CHCT1: variants seen among roughly 807,000 people sequenced by gnomAD.
CHCT1 encodes CHD1 helical C-terminal domain containing 1.
the CHCT1 span, chr17:60,431,345 T>A: frequency 1.3e-5 from 13 of 995,658 alleles, no homozygotes; most frequent in East Asian, 3.1e-4. Context: ...GGAAAAGAAT[T>A]GTCCTTATCA....
the CHCT1 span, chr17:60,421,903 G>A: frequency 1.0e-6 from 1 of 985,556 alleles, no homozygotes; most frequent in Non-Finnish European, 1.2e-6. Flanking sequence ...CCTGTGTGAA[G>A]CGGGACCGCT....
the CHCT1 span, among the ~76,000 whole-genome samples, chr17:60,423,723 C>T: frequency 6.6e-6 from 1 of 152,216 alleles, no homozygotes; most frequent in Non-Finnish European, 1.5e-5. Context: ...ACTTCAGCCT[C>T]CTAAAATGTT....
At chr17:60,431,292 G>C in the CHCT1 span, 3 of 1,515,818 alleles carry the variant, frequency 2.0e-6, no homozygotes, top group South Asian at 3.5e-5. Context: ...CAAAGGGCCC[G>C]CTTGTCCTGG....
chr17:60,429,359 C>T, the CHCT1 span: 1 of 1,612,350 alleles, frequency 6.2e-7, no homozygotes, highest in African/African-American at 1.3e-5. Context: ...GGCTCCATGG[C>T]AGGTGACATT....
At chr17:60,424,578 G>A in the CHCT1 span, among the ~76,000 whole-genome samples, 1 of 152,188 alleles carries the variant, frequency 6.6e-6, no homozygotes, top group Non-Finnish European at 1.5e-5. Flanking sequence ...GTTCTTTGGT[G>A]CCTGTTTCCT....
the CHCT1 span, among the ~76,000 whole-genome samples, chr17:60,423,064 C>G: frequency 1.3e-5 from 2 of 152,150 alleles, no homozygotes; most frequent in African/African-American, 2.4e-5. Context: ...TTGTTCTCCC[C>G]GAACACAGAC....
chr17:60,431,266 A>G, the CHCT1 span: 2 of 1,598,462 alleles, frequency 1.3e-6, no homozygotes, highest in Non-Finnish European at 1.7e-6. Flanking sequence ...CTGAACCGTA[A>G]GAAGACCAAC....
the CHCT1 span, among the ~76,000 whole-genome samples, chr17:60,423,486 C>T: frequency 2.0e-5 from 3 of 151,998 alleles, no homozygotes; most frequent in Admixed American, 6.6e-5. Flanking sequence ...AGCCACTGTG[C>T]CCAGTTTTGC....
the CHCT1 span, among the ~76,000 whole-genome samples, chr17:60,424,788 G>A: frequency 5.9e-5 from 9 of 151,920 alleles, no homozygotes; most frequent in African/African-American, 1.9e-4. Flanking sequence ...CAGGAGAATC[G>A]CTTGAACCCG....
At chr17:60,428,757 G>A in the CHCT1 span, among the ~76,000 whole-genome samples, 12 of 151,912 alleles carry the variant, frequency 7.9e-5, no homozygotes, top group African/African-American at 2.9e-4. Context: ...AAAGTGCTAG[G>A]ACTACAGGCA....
At chr17:60,426,805 G>T in the CHCT1 span, 1 of 1,604,866 alleles carries the variant, frequency 6.2e-7, no homozygotes, top group Middle Eastern at 1.7e-4. Flanking sequence ...GCAGCCAGCC[G>T]GCCAAGTTCC....
At chr17:60,430,128 T>C in the CHCT1 span, among the ~76,000 whole-genome samples, 83 of 131,084 alleles carry the variant, frequency 6.3e-4, 6 homozygotes, top group African/African-American at 2.5e-3. Flanking sequence ...CTGGCTTTTT[T>C]TTTTTTTTTT....
At chr17:60,429,651 G>A in the CHCT1 span, 2 of 1,279,698 alleles carry the variant, frequency 1.6e-6, no homozygotes, top group East Asian at 2.4e-5. Context: ...GCAGCCGGGA[G>A]CCTCTGCCCC....
chr17:60,425,228 C>G, the CHCT1 span, among the ~76,000 whole-genome samples: 1 of 152,182 alleles, frequency 6.6e-6, no homozygotes, highest in Non-Finnish European at 1.5e-5. Flanking sequence ...TCAATAAACT[C>G]TTTCTCACAG....
chr17:60,425,787 CA>C, the CHCT1 span: 1 of 1,550,838 alleles, frequency 6.4e-7, no homozygotes, highest in South Asian at 1.2e-5. Context: ...TCCTAGGTGA[CA>C]AATGTGTCAT....
the CHCT1 span, chr17:60,429,664 G>T: frequency 9.4e-7 from 1 of 1,065,638 alleles, no homozygotes. Context: ...TCTGCCCCCA[G>T]CCTGACAAGC....
the CHCT1 span, chr17:60,421,631 T>G: frequency 1.0e-6 from 1 of 973,390 alleles, no homozygotes; most frequent in Non-Finnish European, 1.2e-6. Flanking sequence ...CCCCGCCGTG[T>G]GCCGCCCAGG....
At chr17:60,422,318 C>T in the CHCT1 span, 25 of 635,366 alleles carry the variant, frequency 3.9e-5, no homozygotes, top group Middle Eastern at 5.3e-4. Context: ...GCCTGCTGTG[C>T]GCTCTGCCAA....
chr17:60,425,905 G>T, the CHCT1 span: 1 of 1,532,452 alleles, frequency 6.5e-7, no homozygotes, highest in Non-Finnish European at 8.9e-7. Context: ...AGCCAGCCTG[G>T]AACCCTGTCC....
Sources: allele counts gnomAD v4.1 joint callset (sites outside exome capture counted in the v4.1 genomes callset), GRCh38; gene constraint gnomAD v4.1.1; transcripts MANE v1.5; gene names NCBI Gene and HGNC (gene_info 2026-07-23, HGNC 2026-07-21).